Variants in SPMAP2L observed in about 807,000 individuals in gnomAD.
The protein encoded by SPMAP2L is sperm microtubule associated protein 2 like.
At chr4:56,575,394 A>G in the SPMAP2L span, 1 of 1,237,486 alleles carries the variant, frequency 8.1e-7, no homozygotes, top group Non-Finnish European at 1.1e-6. Context: ...ATCATCAATA[A>G]TAAACTGTCA....
the SPMAP2L span, among the ~76,000 whole-genome samples, chr4:56,606,805 G>C: frequency 6.6e-6 from 1 of 152,166 alleles, no homozygotes; most frequent in Non-Finnish European, 1.5e-5. Context: ...TTTAAGCATG[G>C]GGTGATGTGA....
the SPMAP2L span, among the ~76,000 whole-genome samples, chr4:56,613,192 G>T: frequency 6.6e-6 from 1 of 152,186 alleles, no homozygotes; most frequent in Non-Finnish European, 1.5e-5. Context: ...GAGGGAGCCT[G>T]AAGACACATA....
chr4:56,570,340 T>C, the SPMAP2L span, among the ~76,000 whole-genome samples: 3 of 152,230 alleles, frequency 2.0e-5, no homozygotes, highest in Non-Finnish European at 4.4e-5. Flanking sequence ...CATCCGTAGG[T>C]GATTTAGTTG....
At chr4:56,601,202 T>G in the SPMAP2L span, 1 of 1,252,752 alleles carries the variant, frequency 8.0e-7, no homozygotes, top group East Asian at 2.6e-5. Context: ...AAAAGAGTTG[T>G]AGAAATATGA....
the SPMAP2L span, among the ~76,000 whole-genome samples, chr4:56,613,803 A>G: frequency 6.6e-6 from 1 of 152,258 alleles, no homozygotes; most frequent in Non-Finnish European, 1.5e-5. Context: ...TAGACATGTG[A>G]CTAGAATTGT....
At chr4:56,577,098 A>G in the SPMAP2L span, among the ~76,000 whole-genome samples, 1 of 150,826 alleles carries the variant, frequency 6.6e-6, no homozygotes, top group South Asian at 2.1e-4. Context: ...CTTTCAAATT[A>G]AAGTACTTAA....
the SPMAP2L span, among the ~76,000 whole-genome samples, chr4:56,578,471 C>T: frequency 6.6e-6 from 1 of 151,856 alleles, no homozygotes. Flanking sequence ...ACATGGCAGG[C>T]ATAAATATTA....
chr4:56,552,690 C>A, the SPMAP2L span: 1 of 810,582 alleles, frequency 1.2e-6, no homozygotes, highest in Non-Finnish European at 2.0e-6. Flanking sequence ...ATTTATCCAT[C>A]CACCTCTACT....
At chr4:56,606,288 T>C in the SPMAP2L span, among the ~76,000 whole-genome samples, 1 of 152,168 alleles carries the variant, frequency 6.6e-6, no homozygotes, top group Non-Finnish European at 1.5e-5. Context: ...TCTTCCTCCT[T>C]CTGATAAGAA....
At chr4:56,578,637 AGT>A in the SPMAP2L span, among the ~76,000 whole-genome samples, 2 of 152,230 alleles carry the variant, frequency 1.3e-5, no homozygotes, top group South Asian at 4.1e-4. Flanking sequence ...ATAGACTGAA[AGT>A]AAAAAAATGG....
chr4:56,589,287 C>T, the SPMAP2L span, among the ~76,000 whole-genome samples: 1 of 152,128 alleles, frequency 6.6e-6, no homozygotes, highest in Non-Finnish European at 1.5e-5. Context: ...CTGCACCCAG[C>T]GTATGTGCCT....
chr4:56,614,281 A>G, the SPMAP2L span, among the ~76,000 whole-genome samples: 6 of 152,316 alleles, frequency 3.9e-5, no homozygotes, highest in South Asian at 1.2e-3. Flanking sequence ...AGAGTTTCCT[A>G]AAGTAGTGAA....
At chr4:56,613,799 T>C in the SPMAP2L span, among the ~76,000 whole-genome samples, 1 of 152,192 alleles carries the variant, frequency 6.6e-6, no homozygotes, top group Non-Finnish European at 1.5e-5. Flanking sequence ...AGTGTAGACA[T>C]GTGACTAGAA....
the SPMAP2L span, among the ~76,000 whole-genome samples, chr4:56,549,958 T>C: frequency 6.6e-6 from 1 of 152,200 alleles, no homozygotes; most frequent in East Asian, 1.9e-4. Flanking sequence ...ACTCATCCTA[T>C]AAAATCATTA....
chr4:56,551,695 C>T, the SPMAP2L span, among the ~76,000 whole-genome samples: 1 of 152,154 alleles, frequency 6.6e-6, no homozygotes, highest in Non-Finnish European at 1.5e-5. Flanking sequence ...ATATGAGTCA[C>T]CACAACATAG....
the SPMAP2L span, among the ~76,000 whole-genome samples, chr4:56,572,355 A>G: frequency 3.9e-5 from 6 of 152,196 alleles, no homozygotes; most frequent in African/African-American, 1.4e-4. Context: ...ATCCAGTATA[A>G]TTGTTGTATA....
chr4:56,572,508 C>T, the SPMAP2L span, among the ~76,000 whole-genome samples: 1 of 152,190 alleles, frequency 6.6e-6, no homozygotes, highest in Non-Finnish European at 1.5e-5. Context: ...GTGCTCCTAA[C>T]ACAGGACCTG....
At chr4:56,534,058 C>T in the SPMAP2L span, among the ~76,000 whole-genome samples, 3 of 152,150 alleles carry the variant, frequency 2.0e-5, no homozygotes, top group Admixed American at 1.3e-4. Flanking sequence ...TCCTTGAACC[C>T]CATGTGCCCG....
the SPMAP2L span, chr4:56,600,874 T>C: frequency 5.0e-3 from 7,316 of 1,465,232 alleles, 266 homozygotes; most frequent in African/African-American, 0.08. Context: ...GATATAGCTA[T>C]AGACATAGAG....
Sources: allele counts gnomAD v4.1 joint callset (sites outside exome capture counted in the v4.1 genomes callset), GRCh38; gene constraint gnomAD v4.1.1; transcripts MANE v1.5; gene names NCBI Gene and HGNC (gene_info 2026-07-23, HGNC 2026-07-21).